Variants in FGF12 observed in about 807,000 individuals in gnomAD.
FGF12 encodes fibroblast growth factor 12B.
A neutral mutation model predicts 23.6 loss-of-function variants in FGF12; 14 were observed. The observed-to-expected ratio is 0.59, with a 90% CI of 0.39 to 0.93. The LOEUF (loss-of-function observed/expected upper bound fraction) is 0.93, where lower values mean the gene tolerates loss of function less well. Ranked by LOEUF, FGF12 falls within the 40% of genes least tolerant of loss-of-function variation. The pLI, the probability that FGF12 is intolerant of heterozygous loss-of-function variation, is 0.00. For missense variants in FGF12, 175 were observed against 217.8 expected (o/e 0.80, Z 1.24); for synonymous variants, 62 against 77.3 (o/e 0.80, Z 1.04).
intron 2 of FGF12, among the ~76,000 whole-genome samples, chr3:192,422,145 CAG>C (rs1225035906): frequency 1.3e-5 from 2 of 151,670 alleles, no homozygotes; most frequent in African/African-American, 4.8e-5. Context: ...GGATAAAAGA[CAG>C]AGATAATTCT....
At chr3:192,683,353 T>C (rs1717613423) in intron 2 of FGF12, among the ~76,000 whole-genome samples, 1 of 152,226 alleles carries the variant, frequency 6.6e-6, no homozygotes, top group South Asian at 2.1e-4. Flanking sequence ...AATTTATATG[T>C]GTTCTCAGAC....
At chr3:192,177,347 T>TTTGA (rs1347233028) in intron 4 of FGF12, among the ~76,000 whole-genome samples, 5 of 152,224 alleles carry the variant, frequency 3.3e-5, no homozygotes, top group South Asian at 2.1e-4. Context: ...CACAGACAAC[T>TTTGA]TTGATATTGT....
intron 2 of FGF12, among the ~76,000 whole-genome samples, chr3:192,433,073 A>G (rs550940887): frequency 6.6e-6 from 1 of 152,214 alleles, no homozygotes; most frequent in Admixed American, 6.6e-5. Context: ...CCTCGCTCCA[A>G]CGCACACATA....
At chr3:192,166,144 C>T (rs1319114328) in intron 5 of FGF12, among the ~76,000 whole-genome samples, 1 of 152,136 alleles carries the variant, frequency 6.6e-6, no homozygotes, top group Non-Finnish European at 1.5e-5. Flanking sequence ...CTCAAGTGTA[C>T]ATATCTTTGA....
intron 5 of FGF12, among the ~76,000 whole-genome samples, chr3:192,168,633 A>G (rs1032121860): frequency 6.6e-6 from 1 of 152,208 alleles, no homozygotes; most frequent in African/African-American, 2.4e-5. Flanking sequence ...TCTGGCGCAT[A>G]TATTCTTCTT....
intron 2 of FGF12, among the ~76,000 whole-genome samples, chr3:192,395,243 T>C (rs1167647361): frequency 1.3e-5 from 2 of 152,154 alleles, no homozygotes; most frequent in Non-Finnish European, 2.9e-5. Flanking sequence ...GTGGGTGCTC[T>C]GATAAGAAAG....
chr3:192,502,835 AAG>A (rs765271963), intron 2 of FGF12, among the ~76,000 whole-genome samples: 1 of 152,244 alleles, frequency 6.6e-6, no homozygotes, highest in Non-Finnish European at 1.5e-5. Context: ...CTAGAAGTTA[AAG>A]AGAGAAGACG....
At chr3:192,727,038 C>T in intron 2 of FGF12, 143 bp downstream of exon 2, 1 of 1,017,918 alleles carries the variant, frequency 9.8e-7, no homozygotes, top group Non-Finnish European at 1.5e-6. Flanking sequence ...CACACTTCCC[C>T]AGTGCTGCAA....
intron 4 of FGF12, among the ~76,000 whole-genome samples, chr3:192,279,552 A>G (rs1238172052): frequency 6.6e-6 from 1 of 152,158 alleles, no homozygotes; most frequent in East Asian, 1.9e-4. Flanking sequence ...ATGGTCAGCA[A>G]TTACACCTGT....
At chr3:192,363,764 T>C (rs1718850436) in intron 2 of FGF12, among the ~76,000 whole-genome samples, 3 of 152,132 alleles carry the variant, frequency 2.0e-5, no homozygotes, top group African/African-American at 4.8e-5. Flanking sequence ...AACCAGAACA[T>C]GTTTTGCTCT....
chr3:192,356,318 T>G (rs914544853), intron 3 of FGF12, among the ~76,000 whole-genome samples: 1 of 152,194 alleles, frequency 6.6e-6, no homozygotes, highest in Non-Finnish European at 1.5e-5. Flanking sequence ...TATCAAATGC[T>G]CTTAATATTT....
intron 4 of FGF12, among the ~76,000 whole-genome samples, chr3:192,310,487 G>A (rs1199002990): frequency 6.6e-6 from 1 of 152,092 alleles, no homozygotes; most frequent in African/African-American, 2.4e-5. Flanking sequence ...AAATACTTAT[G>A]AGGAAGTAAT....
intron 2 of FGF12, among the ~76,000 whole-genome samples, chr3:192,669,630 A>AAAAAAAAAAAAAAAAAAAAAAG (rs1717036074): frequency 7.5e-6 from 1 of 133,674 alleles, no homozygotes; most frequent in Non-Finnish European, 1.6e-5. Context: ...AAAAAAAAAA[A>AAAAAAAAAAAAAAAAAAAAAAG]AAATTGGTGT....
At chr3:192,333,844 T>C (rs1717251581) in intron 4 of FGF12, among the ~76,000 whole-genome samples, 2 of 152,028 alleles carry the variant, frequency 1.3e-5, no homozygotes, top group African/African-American at 2.4e-5. Flanking sequence ...TACCCCACCA[T>C]GCGAAATGTG....
intron 4 of FGF12, among the ~76,000 whole-genome samples, chr3:192,239,748 G>A (rs763615427): frequency 2.6e-5 from 4 of 152,220 alleles, no homozygotes; most frequent in Non-Finnish European, 5.9e-5. Context: ...AGTTTCATCT[G>A]GAAACCATCT....
chr3:192,259,381 C>G (rs1230518833), intron 4 of FGF12, among the ~76,000 whole-genome samples: 1 of 152,020 alleles, frequency 6.6e-6, no homozygotes, highest in Non-Finnish European at 1.5e-5. Flanking sequence ...GGCTGTAAAA[C>G]AACTTTCTAT....
intron 2 of FGF12, among the ~76,000 whole-genome samples, chr3:192,414,945 T>C (rs1180219396): frequency 6.6e-6 from 1 of 152,104 alleles, no homozygotes; most frequent in African/African-American, 2.4e-5. Context: ...TTGGCCAAGA[T>C]AGGGTACTAT....
intron 2 of FGF12, among the ~76,000 whole-genome samples, chr3:192,462,981 C>T (rs962164334): frequency 2.6e-5 from 4 of 152,124 alleles, no homozygotes; most frequent in Non-Finnish European, 5.9e-5. Flanking sequence ...AAACCATGCT[C>T]ATGCTATTGT....
intron 4 of FGF12, among the ~76,000 whole-genome samples, chr3:192,248,705 G>C (rs1711803617): frequency 6.6e-6 from 1 of 152,120 alleles, no homozygotes; most frequent in South Asian, 2.1e-4. Context: ...TTCTGCCCCG[G>C]GGGGATCCAG....
Sources: gnomAD v4.1 joint callset for allele counts (sites outside exome capture counted in the v4.1 genomes callset) on GRCh38, gnomAD v4.1.1 for gene constraint, MANE v1.5 for transcripts, NCBI Gene and HGNC (gene_info 2026-07-23, HGNC 2026-07-21) for gene names.